The following PCOLCE2 variants were observed in gnomAD, a reference collection of about 807,000 sequenced individuals.
PCOLCE2 encodes the protein procollagen C-proteinase enhancer 2.
In PCOLCE2, 42 loss-of-function variants were observed where a neutral mutation model predicts 47.0. The observed-to-expected ratio is 0.89, with a 90% CI of 0.70 to 1.16. PCOLCE2 has a LOEUF of 1.16. PCOLCE2 is among the 50% of genes most tolerant of loss of function. PCOLCE2 has a pLI of 0.00. For missense variants in PCOLCE2, 500 were observed against 526.1 expected (o/e 0.95, Z 0.49); for synonymous variants, 169 against 191.7 (o/e 0.88, Z 0.98).
chr3:142,857,048 CT>C (rs200875636), intron 2 of PCOLCE2, among the ~76,000 whole-genome samples: 1,918 of 152,278 alleles, frequency 0.013, 45 homozygotes, highest in African/African-American at 0.044. Flanking sequence ...ATTCTATATA[CT>C]CTATAGTAAG....
At chr3:142,859,589 C>T (rs1383181843) in intron 2 of PCOLCE2, among the ~76,000 whole-genome samples, 2 of 150,686 alleles carry the variant, frequency 1.3e-5, no homozygotes, top group African/African-American at 4.9e-5. Context: ...GACGAAGTCT[C>T]TCTGTGTCAT....
At chr3:142,834,895 A>G (rs889488370) in intron 5 of PCOLCE2, among the ~76,000 whole-genome samples, 1 of 152,184 alleles carries the variant, frequency 6.6e-6, no homozygotes, top group African/African-American at 2.4e-5. Context: ...AGTATTAGAA[A>G]TGTCTGTACC....
At chr3:142,871,318 T>C (rs939261240) in intron 2 of PCOLCE2, among the ~76,000 whole-genome samples, 3 of 152,222 alleles carry the variant, frequency 2.0e-5, no homozygotes, top group Non-Finnish European at 4.4e-5. Flanking sequence ...TCTTCCATTC[T>C]TGCACCCTAT....
At chr3:142,826,244 T>G (rs564490873) in intron 6 of PCOLCE2, among the ~76,000 whole-genome samples, 1 of 152,166 alleles carries the variant, frequency 6.6e-6, no homozygotes, top group Admixed American at 6.5e-5. Context: ...CCTGACCTCA[T>G]GATCCACCCG....
At chr3:142,839,744 G>C (rs1453400727) in intron 4 of PCOLCE2, among the ~76,000 whole-genome samples, 1 of 152,136 alleles carries the variant, frequency 6.6e-6, no homozygotes, top group Non-Finnish European at 1.5e-5. Flanking sequence ...ATATAATGTT[G>C]CACATGATAA....
chr3:142,850,828 G>T (rs1932924074), intron 2 of PCOLCE2, among the ~76,000 whole-genome samples: 1 of 152,192 alleles, frequency 6.6e-6, no homozygotes, highest in Non-Finnish European at 1.5e-5. Context: ...GGGATATGGG[G>T]TCTAAGCAGA....
chr3:142,820,997 T>C lies in PCOLCE2; in HGVS notation c.998A>G (p.His333Arg). The stretch of plus-strand genomic sequence containing the variant: ...GATGTTGATGATCGAGACTGTGGCG[T>C]GCAAACTCCCATCGCGAGTGATGGT... ...ITTITRDGSL[H>R]ATVSIINIYK... Residue 333 changes from histidine to arginine, a missense_variant, in exon 8 of 9, where the codon CAC becomes CGC. Physicochemically the swap from His to Arg is conservative, Grantham distance 29. Coordinates refer to ENST00000295992, the MANE Select transcript of PCOLCE2 (RefSeq NM_013363.4). 2 of 1,613,796 alleles carry C rather than the reference T, an allele frequency of 1.2e-6. No individual in the cohort carries two copies. Among genetic ancestry groups the C allele is most frequent in the South Asian group, 2.2e-5 (2 of 91,054 alleles).
chr3:142,858,587 A>G (rs1933116400), intron 2 of PCOLCE2, among the ~76,000 whole-genome samples: 1 of 152,158 alleles, frequency 6.6e-6, no homozygotes, highest in African/African-American at 2.4e-5. Flanking sequence ...GTGACCCAGA[A>G]GCTGGCAGTG....
intron 2 of PCOLCE2, among the ~76,000 whole-genome samples, chr3:142,862,586 G>A (rs1469003985): frequency 6.6e-6 from 1 of 152,186 alleles, no homozygotes; most frequent in Non-Finnish European, 1.5e-5. Flanking sequence ...TTCACGAGAA[G>A]CCACTGAGGT....
chr3:142,820,855 C>T (rs778450196), intron 8 of PCOLCE2, 23 bp downstream of exon 8: 3 of 1,587,914 alleles, frequency 1.9e-6, no homozygotes, highest in Non-Finnish European at 2.6e-6. Context: ...TGCTCAGAGA[C>T]ACCCAGTTTT....
intron 2 of PCOLCE2, among the ~76,000 whole-genome samples, chr3:142,866,435 G>A (rs1283667560): frequency 1.3e-5 from 2 of 152,184 alleles, no homozygotes; most frequent in Non-Finnish European, 2.9e-5. Flanking sequence ...CCAGCTTGCA[G>A]AAAGCAGATG....
At position 142,877,818 on chromosome 3, in the gene PCOLCE2, A is replaced by T. The variant is rs139232329; in HGVS notation, c.192+9851T>A. Among the ~76,000 whole-genome samples, 1,500 of 152,324 alleles carry T rather than the reference A, an allele frequency of 9.8e-3. 26 individuals carry two copies. The highest frequency in any genetic ancestry group is 0.035 in the African/African-American group (1,437 of 41,572). ...TTTCTGGGACATCTCCCCAATGAGT[A>T]AGAGCCTCCTTACCTCGCCCAGCCC... On this transcript the variant is annotated intron_variant, in intron 2 of 8. Transcript: ENST00000295992.
intron 2 of PCOLCE2, among the ~76,000 whole-genome samples, chr3:142,879,145 C>T (rs543078365): frequency 6.6e-6 from 1 of 152,122 alleles, no homozygotes; most frequent in Admixed American, 6.5e-5. Context: ...TCTTGATTTA[C>T]ACTACTTTAA....
intron 5 of PCOLCE2, among the ~76,000 whole-genome samples, chr3:142,837,650 T>C (rs909622398): frequency 6.6e-6 from 1 of 152,246 alleles, no homozygotes; most frequent in Non-Finnish European, 1.5e-5. Flanking sequence ...CTTTTACTAA[T>C]ATTGTAAGTG....
intron 5 of PCOLCE2, among the ~76,000 whole-genome samples, chr3:142,837,162 C>T (rs968499276): frequency 1.3e-5 from 2 of 152,238 alleles, no homozygotes; most frequent in South Asian, 4.1e-4. Context: ...TGCAGGCAGA[C>T]TCTAGAAGCA....
intron 6 of PCOLCE2, among the ~76,000 whole-genome samples, chr3:142,824,891 G>T (rs1230816939): frequency 6.6e-6 from 1 of 152,162 alleles, no homozygotes; most frequent in Non-Finnish European, 1.5e-5. Context: ...GCCTCTGAAA[G>T]TGCTGGGATT....
At chr3:142,877,461 G>A (rs907552850) in intron 2 of PCOLCE2, among the ~76,000 whole-genome samples, 1 of 152,188 alleles carries the variant, frequency 6.6e-6, no homozygotes, top group Non-Finnish European at 1.5e-5. Flanking sequence ...CCTTATTACA[G>A]ACCTGGAAGG....
chr3:142,827,220 G>C (rs1204007859), intron 6 of PCOLCE2: 1 of 1,235,210 alleles, frequency 8.1e-7, no homozygotes, highest in African/African-American at 1.5e-5. Flanking sequence ...CCGATGTGCT[G>C]GTGGTTGCCA....
intron 2 of PCOLCE2, among the ~76,000 whole-genome samples, chr3:142,863,096 CAAAAA>C (rs35383176): frequency 9.3e-5 from 8 of 85,988 alleles, no homozygotes; most frequent in African/African-American, 1.3e-4. Flanking sequence ...GTCTGGCAGG[CAAAAA>C]AAAAAAAAAA....
Sources: gnomAD v4.1 joint callset for allele counts (sites outside exome capture counted in the v4.1 genomes callset) on GRCh38, gnomAD v4.1.1 for gene constraint, MANE v1.5 for transcripts, NCBI Gene and HGNC (gene_info 2026-07-23, HGNC 2026-07-21) for gene names.